SMYD3: variants seen among roughly 807,000 people sequenced by gnomAD.
SMYD3 encodes histone-lysine N-methyltransferase SMYD3.
A neutral mutation model predicts 57.7 loss-of-function variants in SMYD3; 36 were observed. The observed-to-expected ratio is 0.62, with a 90% CI of 0.48 to 0.82. The LOEUF (loss-of-function observed/expected upper bound fraction) is 0.82, where lower values mean the gene tolerates loss of function less well. Ranked by LOEUF, SMYD3 falls within the 40% of genes least tolerant of loss-of-function variation. The probability of loss-of-function intolerance (pLI) is 0.00; values close to 1 mark genes in which losing one functional copy is unlikely to be tolerated. For missense variants in SMYD3, 515 were observed against 538.8 expected, an observed-to-expected ratio of 0.96 and a Z score of 0.44; for synonymous variants, 211 against 195.0, an observed-to-expected ratio of 1.08 and a Z score of -0.68.
At chr1:246,006,624 G>T (rs75164345) in intron 5 of SMYD3, among the ~76,000 whole-genome samples, 10,084 of 152,232 alleles carry the variant, frequency 0.066, 376 homozygotes, top group African/African-American at 0.078. Flanking sequence ...CAGCCTTCCT[G>T]ATGTGTGAAT....
At chr1:246,407,765 C>T (rs1197811697) in intron 1 of SMYD3, among the ~76,000 whole-genome samples, 2 of 151,864 alleles carry the variant, frequency 1.3e-5, no homozygotes, top group East Asian at 1.9e-4. Flanking sequence ...TCACTTGAAC[C>T]TGGGAGGCAG....
intron 5 of SMYD3, among the ~76,000 whole-genome samples, chr1:246,197,003 A>C (rs1387572953): frequency 1.3e-5 from 2 of 152,168 alleles, no homozygotes; most frequent in Non-Finnish European, 2.9e-5. Context: ...AGAAAAAAAA[A>C]AACAACTCTG....
intron 5 of SMYD3, among the ~76,000 whole-genome samples, chr1:246,318,977 C>T (rs1051523548): frequency 6.6e-6 from 1 of 152,142 alleles, no homozygotes; most frequent in African/African-American, 2.4e-5. Flanking sequence ...ATGAAGAACA[C>T]GATAAACAAA....
At chr1:246,448,690 T>A (rs2067583790) in intron 1 of SMYD3, among the ~76,000 whole-genome samples, 1 of 103,028 alleles carries the variant, frequency 9.7e-6, no homozygotes. Flanking sequence ...CAGCAAGATC[T>A]CATCTCTTTT....
chr1:246,308,129 G>T (rs892205262), intron 5 of SMYD3, among the ~76,000 whole-genome samples: 2 of 152,132 alleles, frequency 1.3e-5, no homozygotes, highest in African/African-American at 4.8e-5. Flanking sequence ...TGGAAAGCAA[G>T]ATTTACAAAA....
chr1:245,832,167 C>T (rs2049874109), intron 10 of SMYD3, among the ~76,000 whole-genome samples: 1 of 152,220 alleles, frequency 6.6e-6, no homozygotes, highest in Non-Finnish European at 1.5e-5. Context: ...GGTCAAGAGG[C>T]TGGGTCTCAC....
chr1:245,948,072 T>A (rs553574508), intron 5 of SMYD3, among the ~76,000 whole-genome samples: 1 of 152,224 alleles, frequency 6.6e-6, no homozygotes, highest in South Asian at 2.1e-4. Context: ...AGAACCTCGG[T>A]ACTCAGAATC....
intron 10 of SMYD3, among the ~76,000 whole-genome samples, chr1:245,798,399 C>T (rs867659362): frequency 4.1e-4 from 35 of 84,388 alleles, no homozygotes; most frequent in African/African-American, 2.0e-3. Context: ...CGCACACACA[C>T]ACACACATAC....
intron 5 of SMYD3, among the ~76,000 whole-genome samples, chr1:246,113,113 C>T (rs745490231): frequency 1.7e-4 from 26 of 151,690 alleles, no homozygotes; most frequent in South Asian, 2.1e-4. Context: ...ACCCAGGAGG[C>T]GGAGCTTGCA....
At chr1:246,403,342 A>T (rs192321893) in intron 1 of SMYD3, among the ~76,000 whole-genome samples, 8,696 of 152,108 alleles carry the variant, frequency 0.057, 274 homozygotes, top group Middle Eastern at 0.17. Flanking sequence ...AAAAAAAAAA[A>T]ATTTAATTAG....
chr1:246,066,140 T>G (rs1379963426), intron 5 of SMYD3, among the ~76,000 whole-genome samples: 1 of 152,348 alleles, frequency 6.6e-6, no homozygotes, highest in Admixed American at 6.5e-5. Context: ...CTAAAGTTAT[T>G]ACTAGGCCCT....
intron 5 of SMYD3, among the ~76,000 whole-genome samples, chr1:246,224,991 T>C (rs1356419863): frequency 2.0e-5 from 3 of 151,976 alleles, no homozygotes; most frequent in East Asian, 1.9e-4. Flanking sequence ...ATGAAACCAG[T>C]AGATGGCTGG....
At chr1:246,457,444 A>G in intron 1 of SMYD3, among the ~76,000 whole-genome samples, 1 of 149,988 alleles carries the variant, frequency 6.7e-6, no homozygotes, top group East Asian at 2.0e-4. Context: ...GAGGCAGGAG[A>G]ATCACTTGCA....
intron 7 of SMYD3, among the ~76,000 whole-genome samples, chr1:245,923,146 T>A (rs959832671): frequency 8.5e-5 from 13 of 152,194 alleles, no homozygotes; most frequent in African/African-American, 2.4e-4. Flanking sequence ...GAGGTAAAAT[T>A]GAATGTACAC....
At chr1:246,095,460 C>G (rs2060898403) in intron 5 of SMYD3, among the ~76,000 whole-genome samples, 1 of 152,200 alleles carries the variant, frequency 6.6e-6, no homozygotes, top group African/African-American at 2.4e-5. Flanking sequence ...AAGGTGCAGA[C>G]AAGCTTCTTT....
intron 2 of SMYD3, among the ~76,000 whole-genome samples, chr1:246,352,640 G>A (rs1012163713): frequency 2.0e-5 from 3 of 152,060 alleles, no homozygotes; most frequent in African/African-American, 7.2e-5. Context: ...CAGTATATCT[G>A]ACAGTGACAT....
At chr1:245,939,733 C>T (rs12040606) in intron 5 of SMYD3, among the ~76,000 whole-genome samples, 12,033 of 152,228 alleles carry the variant, frequency 0.079, 833 homozygotes, top group East Asian at 0.24. Context: ...TCTCTAGTGT[C>T]TGCCTTCTCA....
chr1:246,322,372 A>AG (rs1288031117), intron 5 of SMYD3: 1 of 151,790 alleles, frequency 6.6e-6, no homozygotes, highest in East Asian at 1.9e-4. Context: ...ATTCCCAAAG[A>AG]GGGGGAAAAA....
chr1:246,170,285 T>C (rs1363159895), intron 5 of SMYD3, among the ~76,000 whole-genome samples: 1 of 152,080 alleles, frequency 6.6e-6, no homozygotes, highest in Non-Finnish European at 1.5e-5. Flanking sequence ...ATATATTATG[T>C]ATGAAATATA....
Sources: gnomAD v4.1 joint callset for allele counts (sites outside exome capture counted in the v4.1 genomes callset) on GRCh38, gnomAD v4.1.1 for gene constraint, MANE v1.5 for transcripts, NCBI Gene and HGNC (gene_info 2026-07-23, HGNC 2026-07-21) for gene names.